TBC1D19: variants seen among roughly 807,000 people sequenced by gnomAD.
The protein encoded by TBC1D19 is TBC1 domain family member 19.
TBC1D19 carries 60 observed loss-of-function variants against 89.0 expected under a neutral mutation model. That is an observed-to-expected ratio of 0.67 (90% CI 0.55 to 0.84). The LOEUF (loss-of-function observed/expected upper bound fraction) is 0.84, where lower values mean the gene tolerates loss of function less well. Ranked by LOEUF, TBC1D19 falls within the 40% of genes least tolerant of loss-of-function variation. TBC1D19 has a pLI of 0.00. For synonymous variants in TBC1D19, 189 were observed against 199.7 expected, an observed-to-expected ratio of 0.95 and a Z score of 0.45; for missense variants, 500 against 610.8, an observed-to-expected ratio of 0.82 and a Z score of 1.91.
At chr4:26,792,532 A>G in the TBC1D19 span, among the ~76,000 whole-genome samples, 1 of 152,210 alleles carries the variant, frequency 6.6e-6, no homozygotes, top group African/African-American at 2.4e-5. Context: ...GGGTCAGGAA[A>G]AGGCCTTAAG....
the TBC1D19 span, among the ~76,000 whole-genome samples, chr4:26,830,201 C>G: frequency 1.3e-5 from 2 of 152,120 alleles, no homozygotes; most frequent in Non-Finnish European, 2.9e-5. Context: ...TGCAAATTAC[C>G]CCCCCTTTTT....
At chr4:26,833,666 C>T in the TBC1D19 span, among the ~76,000 whole-genome samples, 4 of 152,210 alleles carry the variant, frequency 2.6e-5, no homozygotes, top group South Asian at 2.1e-4. Flanking sequence ...CAAAAGCTGC[C>T]ATGGATAATG....
At chr4:26,591,863 A>G (rs547310430) in intron 1 of TBC1D19, among the ~76,000 whole-genome samples, 130 of 152,340 alleles carry the variant, frequency 8.5e-4, no homozygotes, top group Middle Eastern at 3.4e-3. Flanking sequence ...ACCAACCAAA[A>G]ATAGTCCAGG....
At chr4:26,732,467 G>A (rs1717724481) in intron 15 of TBC1D19, among the ~76,000 whole-genome samples, 4 of 151,892 alleles carry the variant, frequency 2.6e-5, no homozygotes, top group Non-Finnish European at 5.9e-5. Context: ...TAATCAAATG[G>A]CAGCTACAGT....
Position 26,640,123 on chromosome 4 carries a change from T to C in TBC1D19, c.434-18T>C. 1 of 1,567,836 alleles carries C rather than the reference T, an allele frequency of 6.4e-7. No individual in the cohort carries two copies. Among genetic ancestry groups the C allele is most frequent in the Non-Finnish European group, 8.7e-7 (1 of 1,147,916 alleles). ...ATATTATTAGCTGAAATTTTGTTTA[T>C]AATCTATCTTATTCTAGATTTAAGC... On this transcript the variant is annotated intron_variant, in intron 6 of 20. Coordinates refer to ENST00000264866, the MANE Select transcript of TBC1D19 (RefSeq NM_018317.4).
At chr4:26,615,205 T>C (rs1027713942) in intron 3 of TBC1D19, among the ~76,000 whole-genome samples, 1 of 152,218 alleles carries the variant, frequency 6.6e-6, no homozygotes, top group African/African-American at 2.4e-5. Context: ...TCCATGTTTC[T>C]GTTTATTTAG....
At chr4:26,601,637 G>A (rs1731311313) in intron 1 of TBC1D19, among the ~76,000 whole-genome samples, 1 of 152,192 alleles carries the variant, frequency 6.6e-6, no homozygotes, top group African/African-American at 2.4e-5. Flanking sequence ...AGTAGAACTA[G>A]AGTTTTAGAG....
the TBC1D19 span, among the ~76,000 whole-genome samples, chr4:26,761,282 C>T: frequency 3.3e-3 from 502 of 152,308 alleles, 1 homozygote; most frequent in African/African-American, 0.011. Context: ...CTTAATAGAT[C>T]AGCCTGGAAA....
intron 1 of TBC1D19, among the ~76,000 whole-genome samples, chr4:26,599,218 T>C (rs1255718935): frequency 6.6e-6 from 1 of 152,206 alleles, no homozygotes; most frequent in African/African-American, 2.4e-5. Context: ...TTTATATCCA[T>C]TAGCACTGAC....
At chr4:26,742,449 A>G in intron 17 of TBC1D19, 59 bp from the exon 18 acceptor site, 7 of 1,354,378 alleles carry the variant, frequency 5.2e-6, no homozygotes, top group Admixed American at 2.1e-5. Flanking sequence ...ATTTGTTGGC[A>G]TAGTTAATTT....
intron 15 of TBC1D19, among the ~76,000 whole-genome samples, chr4:26,725,990 A>G (rs1364148888): frequency 6.6e-6 from 1 of 152,242 alleles, no homozygotes; most frequent in African/African-American, 2.4e-5. Flanking sequence ...CTTAATTACA[A>G]GTGATAAACA....
intron 1 of TBC1D19, among the ~76,000 whole-genome samples, chr4:26,592,267 G>T (rs1350532950): frequency 6.6e-6 from 1 of 152,100 alleles, no homozygotes; most frequent in Non-Finnish European, 1.5e-5. Context: ...TGCAGAAAAG[G>T]CCTTTGACAA....
At chr4:26,685,602 C>G (rs1385283407) in intron 12 of TBC1D19, among the ~76,000 whole-genome samples, 1 of 152,190 alleles carries the variant, frequency 6.6e-6, no homozygotes, top group Non-Finnish European at 1.5e-5. Flanking sequence ...TTAGACCTAG[C>G]CAATCTGACT....
chr4:26,628,589 T>TA (rs1479356212), intron 4 of TBC1D19, among the ~76,000 whole-genome samples: 3 of 152,254 alleles, frequency 2.0e-5, no homozygotes, highest in Middle Eastern at 3.4e-3. Flanking sequence ...GCAGATGACA[T>TA]AATTGTATAT....
chr4:26,606,665 G>A (rs1741025344), intron 1 of TBC1D19, among the ~76,000 whole-genome samples: 1 of 152,214 alleles, frequency 6.6e-6, no homozygotes, highest in Middle Eastern at 3.4e-3. Flanking sequence ...CATTTGGAGA[G>A]GATAATCAAG....
chr4:26,763,047 AG>A, the TBC1D19 span, among the ~76,000 whole-genome samples: 1 of 152,126 alleles, frequency 6.6e-6, no homozygotes, highest in African/African-American at 2.4e-5. Flanking sequence ...AGCTAAATTA[AG>A]TTTACTGTAT....
chr4:26,735,824 T>C (rs1718010340), intron 16 of TBC1D19, among the ~76,000 whole-genome samples: 1 of 152,020 alleles, frequency 6.6e-6, no homozygotes, highest in Non-Finnish European at 1.5e-5. Context: ...ATCAGAGAAA[T>C]GCAAATCAAA....
chr4:26,835,230 G>T, the TBC1D19 span, among the ~76,000 whole-genome samples: 1 of 152,156 alleles, frequency 6.6e-6, no homozygotes, highest in Non-Finnish European at 1.5e-5. Context: ...AGCTCTACTG[G>T]CTTTGAAGAT....
At chr4:26,787,758 C>A in the TBC1D19 span, among the ~76,000 whole-genome samples, 11 of 152,160 alleles carry the variant, frequency 7.2e-5, no homozygotes, top group Non-Finnish European at 1.2e-4. Flanking sequence ...CTCTGGACCC[C>A]CTTTCCTCTA....
Sources: gnomAD v4.1 joint callset for allele counts (sites outside exome capture counted in the v4.1 genomes callset) on GRCh38, gnomAD v4.1.1 for gene constraint, MANE v1.5 for transcripts, NCBI Gene and HGNC (gene_info 2026-07-23, HGNC 2026-07-21) for gene names.